CCNG1: variants seen among roughly 807,000 people sequenced by gnomAD.
The protein encoded by CCNG1 is cyclin-G1.
In CCNG1, 13 loss-of-function variants were observed where a neutral mutation model predicts 30.0. The ratio of observed to expected loss-of-function variants is 0.43; its 90% CI spans 0.28 to 0.69. The LOEUF is 0.69. Among genes scored for constraint, CCNG1 ranks in the 30% least tolerant of loss-of-function variants. The probability of loss-of-function intolerance (pLI) is 0.16; values close to 1 mark genes in which losing one functional copy is unlikely to be tolerated. For missense variants in CCNG1, 285 were observed against 331.4 expected, an observed-to-expected ratio of 0.86 and a Z score of 1.09; for synonymous variants, 110 against 121.5, an observed-to-expected ratio of 0.91 and a Z score of 0.62.
chr5:163,447,598 C>CTA (rs1758072199), downstream of CCNG1: 1 of 152,060 alleles, frequency 6.6e-6, no homozygotes, highest in Non-Finnish European at 1.5e-5. Flanking sequence ...TGGAATAATA[C>CTA]TAATAACCAG....
At chr5:163,446,991 G>A (rs1346269106), downstream of CCNG1, 2 of 152,224 alleles carry the variant, frequency 1.3e-5, no homozygotes, top group Non-Finnish European at 1.5e-5. Flanking sequence ...GGGCAACAGA[G>A]TGAGGCTCTT....
At chr5:163,456,942 C>A in the CCNG1 span, 3 of 1,601,860 alleles carry the variant, frequency 1.9e-6, no homozygotes, top group Non-Finnish European at 2.6e-6. Flanking sequence ...TTTTTGGAAT[C>A]TCTCTAATGT....
chr5:163,454,725 C>T, the CCNG1 span, among the ~76,000 whole-genome samples: 4 of 152,206 alleles, frequency 2.6e-5, no homozygotes, highest in Non-Finnish European at 5.9e-5. Flanking sequence ...ACCCTCACAA[C>T]AGTCCTGTGA....
Position 163,442,587 on chromosome 5 carries a change from T to C in CCNG1, c.*3+19T>C, listed in dbSNP as rs1230235527. On this transcript the variant is annotated intron_variant, in intron 6 of 6. Transcript: ENST00000340828. The stretch of plus-strand genomic sequence containing the variant: ...TTAACTGGTAAATTTGGTCCGTTAT[T>C]ATTCTCCAGATAGAGAACATTTTCC... 1.2e-5 allele frequency: 19 copies of C among 1,561,530 alleles called. No individual in the cohort carries two copies. Among genetic ancestry groups the C allele is most frequent in the Admixed American group, 1.1e-4 (6 of 53,788 alleles).
downstream of CCNG1, among the ~76,000 whole-genome samples, chr5:163,445,189 CACTTT>C (rs1299502075): frequency 4.6e-5 from 7 of 151,932 alleles, no homozygotes; most frequent in East Asian, 1.9e-4. Context: ...TATTAGATGA[CACTTT>C]ACTTTGTTTT....
downstream of CCNG1, chr5:163,449,991 A>C (rs1276693432): frequency 1.3e-5 from 2 of 152,226 alleles, no homozygotes; most frequent in Middle Eastern, 3.2e-3. Context: ...ACGGTGGCTC[A>C]TGCCTGTAAT....
the CCNG1 span, among the ~76,000 whole-genome samples, chr5:163,456,147 G>A: frequency 6.6e-6 from 1 of 152,092 alleles, no homozygotes; most frequent in East Asian, 1.9e-4. Flanking sequence ...AACCGGGTAT[G>A]CAGGTCCTAA....
chr5:163,443,362 AT>A (rs1435329124), intron 6 of CCNG1, among the ~76,000 whole-genome samples: 1 of 151,960 alleles, frequency 6.6e-6, no homozygotes, highest in Non-Finnish European at 1.5e-5. Flanking sequence ...TGGTCTCTAC[AT>A]TGGGTATCTG....
intron 6 of CCNG1, among the ~76,000 whole-genome samples, chr5:163,443,322 A>AAG (rs1163160927): frequency 6.6e-6 from 1 of 151,958 alleles, no homozygotes; most frequent in East Asian, 1.9e-4. Flanking sequence ...AAAAAAAAAA[A>AAG]AAAAAAGAAA....
At chr5:163,439,597 C>A in intron 2 of CCNG1, 77 bp downstream of exon 2, 2 of 1,329,510 alleles carry the variant, frequency 1.5e-6, no homozygotes, top group Non-Finnish European at 2.0e-6. Flanking sequence ...GGCTGGTATT[C>A]ATAAACTTGA....
intron 1 of CCNG1, among the ~76,000 whole-genome samples, chr5:163,438,600 T>C (rs1431936962): frequency 6.6e-6 from 1 of 152,250 alleles, no homozygotes; most frequent in Non-Finnish European, 1.5e-5. Context: ...TTTGTTAATA[T>C]GTGGCAGAAT....
At chr5:163,449,576 C>G (rs1307754994), downstream of CCNG1, 1 of 152,092 alleles carries the variant, frequency 6.6e-6, no homozygotes, top group Non-Finnish European at 1.5e-5. Flanking sequence ...TTCTAAAATT[C>G]ATATGGAAGG....
downstream of CCNG1, chr5:163,446,095 G>A (rs1581173455): frequency 6.6e-6 from 1 of 152,148 alleles, no homozygotes; most frequent in African/African-American, 2.4e-5. Context: ...CTGTAAAGTA[G>A]ACACTGCAAG....
At chr5:163,453,766 T>C in the CCNG1 span, 1 of 365,620 alleles carries the variant, frequency 2.7e-6, no homozygotes, top group Non-Finnish European at 5.0e-6. Flanking sequence ...CAAAACAACT[T>C]TACCATATAT....
chr5:163,441,422 TAATAAA>T (rs1426111898), intron 3 of CCNG1, 91 bp downstream of exon 3: 104 of 1,200,948 alleles, frequency 8.7e-5, no homozygotes, highest in African/African-American at 1.5e-5. Context: ...CATAGAATTC[TAATAAA>T]AATAAGTAAA....
rs778429136 is a variant in CCNG1, at chr5:163,442,061, T to G, written c.614T>G (p.Leu205Trp). ...FSKAKPSVLALSIIALEIQAQ... is the reference protein window; with the variant it reads ...FSKAKPSVLAWSIIALEIQAQ... Reference sequence around the variant, plus strand: ...CTCTTTTAGCCTTCTGTGTTGGCATTGTCTATCATTGCATTAGAGATCCAA... The same window carrying G: ...CTCTTTTAGCCTTCTGTGTTGGCATGGTCTATCATTGCATTAGAGATCCAA... Residue 205 changes from leucine (L) to tryptophan (W), a missense_variant, in exon 5 of 7, where the codon TTG (leucine) becomes TGG (tryptophan). Coordinates refer to ENST00000340828, the MANE Select transcript of CCNG1 (RefSeq NM_004060.4). The G allele has an allele frequency of 4.3e-6, 7 of 1,612,130 alleles. No individual in the cohort carries two copies. Among genetic ancestry groups the G allele is most frequent in the Non-Finnish European group, 5.9e-6 (7 of 1,178,552 alleles).
chr5:163,453,171 ATT>A, the CCNG1 span: 35 of 152,218 alleles, frequency 2.3e-4, no homozygotes, highest in African/African-American at 8.2e-4. Flanking sequence ...GAGATTTAAA[ATT>A]TTTTCAAGAG....
downstream of CCNG1, chr5:163,445,819 TTGG>T (rs1482094926): frequency 6.6e-6 from 1 of 152,084 alleles, no homozygotes; most frequent in East Asian, 1.9e-4. Flanking sequence ...GTATTAAAAG[TTGG>T]TGTTTATGCA....
At position 163,442,451 on chromosome 5, in the gene CCNG1, C is replaced by T; in HGVS notation, c.774C>T (p.Ser258=). 1 of 1,613,908 alleles carries T rather than the reference C, an allele frequency of 6.2e-7. No individual in the cohort carries two copies. The highest frequency in any genetic ancestry group is 8.5e-7 in the Non-Finnish European group (1 of 1,179,844). ...CTGAATATTCATCAAATAAGTGTTC[C>T]AAACCAAATGTTCAGAAGTTGAAAT... is the stretch of plus-strand genomic sequence containing the variant. ...CLTEYSSNKC[S]KPNVQKLKWI... Residue 258 remains serine, a synonymous_variant, in exon 6 of 7, where the codon TCC becomes TCT. Transcript: ENST00000340828.
Sources: gnomAD v4.1 joint callset for allele counts (sites outside exome capture counted in the v4.1 genomes callset) on GRCh38, gnomAD v4.1.1 for gene constraint, MANE v1.5 for transcripts, NCBI Gene and HGNC (gene_info 2026-07-23, HGNC 2026-07-21) for gene names.